RBM23: variants seen among roughly 807,000 people sequenced by gnomAD.
RBM23 encodes the protein probable RNA-binding protein 23.
In RBM23, 53 loss-of-function variants were observed where a neutral mutation model predicts 56.2. The ratio of observed to expected loss-of-function variants is 0.94; its 90% CI spans 0.76 to 1.19. The LOEUF (loss-of-function observed/expected upper bound fraction) is 1.19, where lower values mean the gene tolerates loss of function less well. RBM23 is among the 50% of genes most tolerant of loss of function. The pLI is 0.00. For missense variants in RBM23, 642 were observed against 590.3 expected, an observed-to-expected ratio of 1.09 and a Z score of -0.91; for synonymous variants, 197 against 198.5, an observed-to-expected ratio of 0.99 and a Z score of 0.06.
chr14:22,908,455 C>T (rs2041938580), intron 3 of RBM23, 75 bp from the exon 4 acceptor site: 2 of 1,500,394 alleles, frequency 1.3e-6, no homozygotes, highest in African/African-American at 2.8e-5. Context: ...TGCAGTGGTG[C>T]AATCTTGGCT....
In RBM23 at chr14:22,906,289, G is replaced by A. The variant is rs375763824; in HGVS notation, c.307C>T (p.Arg103Cys). Residue 103 changes from arginine (R) to cysteine (C), a missense_variant, in exon 5 of 14, where the codon CGT becomes TGT. Arg to Cys is a radical substitution (Grantham distance 180). Transcript: ENST00000359890. Reference protein sequence around the residue: ...SPGRQCRHRSRSWDRRHGSES... With the variant: ...SPGRQCRHRSCSWDRRHGSES... ...CTACCATGTCGACGATCCCAGCTAC[G>A]GCTACGGTGACGACACTGCCGACCT... 2.8e-5 allele frequency: 45 copies of A among 1,614,036 alleles called. No individual in the cohort carries two copies. The highest frequency in any genetic ancestry group is 4.5e-5 in the East Asian group (2 of 44,900).
chr14:22,904,758 C>T, intron 9 of RBM23, 117 bp downstream of exon 9: 1 of 1,441,598 alleles, frequency 6.9e-7, no homozygotes, highest in Non-Finnish European at 9.5e-7. Context: ...CTCATATGCC[C>T]ACTATGACGT....
chr14:22,912,998 C>CAAAAAAAA (rs58361546), intron 1 of RBM23, among the ~76,000 whole-genome samples: 7 of 35,420 alleles, frequency 2.0e-4, no homozygotes, highest in Non-Finnish European at 2.2e-4. Flanking sequence ...GATTCAGTCT[C>CAAAAAAAA]AAAAAAAAAA....
chr14:22,903,504 AGTTCCTAGGCAGGTGTTATACAT>A, intron 10 of RBM23: 2 of 986,016 alleles, frequency 2.0e-6, no homozygotes, highest in African/African-American at 3.5e-5. Context: ...TGGTACTGAC[AGTTCCTAGGCAGGTGTTATACAT>A]GGCTTGCCTT....
Position 22,905,211 on chromosome 14 carries a change from T to C in RBM23, c.609A>G (p.Ser203=), listed in dbSNP as rs777231243. The C allele has an allele frequency of 5.6e-6, 9 of 1,614,118 alleles. No individual in the cohort carries two copies. The South Asian group carries it at 7.7e-5, about 14-fold the overall frequency. ...CGTAGGCAATGCCCTTAGAACGACGTGAGTTCCGATCTGAGATGATACGTA... is the reference window on the plus strand; with the variant it reads ...CGTAGGCAATGCCCTTAGAACGACGCGAGTTCCGATCTGAGATGATACGTA... ...RDVRIISDRN[S]RRSKGIAYVE... The change falls in exon 8 of 14, where the codon TCA becomes TCG. Residue 203 remains serine (S), a synonymous_variant. Transcript: ENST00000359890.
In RBM23 at chr14:22,902,756, C is replaced by CCTTTTTTTTTTTTTTTTTTTTTT. The variant is rs1555336814; in HGVS notation, c.931-375_931-374insAAAAAAAAAAAAAAAAAAAAAAG. 3.5e-5 allele frequency: 15 copies of CCTTTTTTTTTTTTTTTTTTTTTT among 432,480 alleles called. 7 individuals carry two copies. Among genetic ancestry groups the CCTTTTTTTTTTTTTTTTTTTTTT allele is most frequent in the African/African-American group, 6.4e-5 (2 of 31,410 alleles). 26.8% of individuals were successfully genotyped at this position (432,480 alleles called of 1,614,324 possible). ...GTTCTCTATCCTAGTAAGTTTTAGTCTTTTTTTTTTTTTTTTTTTTTTTTT... is the reference window on the plus strand; with the variant it reads ...GTTCTCTATCCTAGTAAGTTTTAGTCCTTTTTTTTTTTTTTTTTTTTTTTTTTTTTTTTTTTTTTTTTTTTTTT... On this transcript the variant is annotated intron_variant, in intron 10 of 13. Transcript: ENST00000359890.
intron 1 of RBM23, among the ~76,000 whole-genome samples, chr14:22,916,148 T>C (rs1396735038): frequency 6.6e-6 from 1 of 152,156 alleles, no homozygotes; most frequent in African/African-American, 2.4e-5. Flanking sequence ...CCCAGGAAGT[T>C]GAGGCTGCAG....
chr14:22,915,622 A>G (rs1168040052), intron 1 of RBM23, among the ~76,000 whole-genome samples: 1 of 151,128 alleles, frequency 6.6e-6, no homozygotes, highest in African/African-American at 2.4e-5. Flanking sequence ...CAGCCTCCTG[A>G]GTAGCTGGGA....
intron 2 of RBM23, among the ~76,000 whole-genome samples, chr14:22,910,283 G>C (rs1319034740): frequency 2.7e-5 from 4 of 147,680 alleles, no homozygotes; most frequent in Non-Finnish European, 6.0e-5. Flanking sequence ...CCAACATGGA[G>C]AAACCATCTC....
chr14:22,910,450 CAAAAAAAAAAAAAAAAAAAA>C (rs546748436), intron 2 of RBM23, among the ~76,000 whole-genome samples: 8 of 71,154 alleles, frequency 1.1e-4, no homozygotes, highest in African/African-American at 5.1e-4. Flanking sequence ...AACTTCATCT[CAAAAAAAAAAAAAAAAAAAA>C]AAAAAGAAAG....
At chr14:22,914,591 G>GTGTGCCCATTAAA (rs1270721671) in intron 1 of RBM23, among the ~76,000 whole-genome samples, 1 of 151,858 alleles carries the variant, frequency 6.6e-6, no homozygotes, top group Non-Finnish European at 1.5e-5. Flanking sequence ...CAGTTTTATC[G>GTGTGCCCATTAAA]TGTGCCCATT....
At chr14:22,906,418 A>AACCAAGTGCATAT (rs2041571649) in intron 4 of RBM23, 50 bp from the exon 5 acceptor site, 1 of 1,596,576 alleles carries the variant, frequency 6.3e-7, no homozygotes, top group African/African-American at 1.3e-5. Context: ...TTAGGCCAAC[A>AACCAAGTGCATAT]ACCAAGTGCA....
At position 22,905,178 on chromosome 14, in the gene RBM23, G is replaced by T; in HGVS notation, c.642C>A (p.Phe214Leu). 6.2e-7 allele frequency: 1 copy of T among 1,614,182 alleles called. No homozygotes were observed. The highest frequency in any genetic ancestry group is 1.1e-5 in the South Asian group (1 of 91,088). The change falls in exon 8 of 14, where the codon TTC (phenylalanine) becomes TTA (leucine). Residue 214 changes from phenylalanine (F) to leucine (L), a missense_variant. By Grantham distance (22) the Phe-to-Leu change is conservative. Transcript: ENST00000359890. ...RRSKGIAYVEFCEIQSVPLAI... is the reference protein window; with the variant it reads ...RRSKGIAYVELCEIQSVPLAI... ...CCAGTGGCACAGACTGGATTTCACA[G>T]AATTCCACGTAGGCAATGCCCTTAG...
In RBM23 at chr14:22,908,080, C is replaced by T. The variant is rs2041873801; in HGVS notation, c.227+253G>A. Among the ~76,000 whole-genome samples the T allele has an allele frequency of 2.6e-5, 4 of 152,074 alleles. 1 individual carries two copies. In the South Asian group the frequency reaches 8.3e-4, roughly 31 times the overall value. On this transcript the variant is annotated intron_variant, in intron 4 of 13. Transcript: ENST00000359890. ...CTGTTGCCCAGGCAGGAGTTTAGTGCTGCAATCTCGGCTCACTGCAACCTC... is the reference window on the plus strand; with the variant it reads ...CTGTTGCCCAGGCAGGAGTTTAGTGTTGCAATCTCGGCTCACTGCAACCTC...
In RBM23 at chr14:22,903,135, G is replaced by A. The variant is rs548112334; in HGVS notation, c.931-753C>T. ...AACTCCTAATTCCAGGCTTAAGAGG[G>A]AACACACCCTAGTGCTGACAGCAAG... On this transcript the variant is annotated intron_variant, in intron 10 of 13. Coordinates refer to ENST00000359890, the MANE Select transcript of RBM23 (RefSeq NM_001077351.2). 7.1e-6 allele frequency: 7 copies of A among 985,292 alleles called. No homozygotes were observed. The South Asian group carries it at 2.8e-4, about 40-fold the overall frequency. The allele number at this position is 985,292 out of a possible 1,614,324, so 61.0% of individuals were successfully genotyped here.
chr14:22,903,243 T>C (rs894207427), intron 10 of RBM23: 41 of 985,316 alleles, frequency 4.2e-5, no homozygotes, highest in Non-Finnish European at 4.7e-5. Context: ...TCTAGTCCCT[T>C]TTATCAGCAG....
At position 22,904,769 on chromosome 14, in the gene RBM23, A is replaced by T; in HGVS notation, c.864+106T>A. On this transcript the variant is annotated intron_variant, in intron 9 of 13. Transcript: ENST00000359890. ...TAGACTCATATGCCCACTATGACGT[A>T]TGCAGCAGGTTAATCACGGCCAGGC... The T allele has an allele frequency of 2.0e-6, 3 of 1,504,160 alleles. No homozygotes were observed. In the East Asian group the frequency reaches 6.8e-5, roughly 34 times the overall value. The allele number at this position is 1,504,160 out of a possible 1,614,324, so 93.2% of individuals were successfully genotyped here.
intron 1 of RBM23, among the ~76,000 whole-genome samples, chr14:22,914,349 G>C (rs1035019646): frequency 1.4e-5 from 2 of 144,804 alleles, no homozygotes; most frequent in African/African-American, 5.1e-5. Context: ...AAAAATAGCC[G>C]GGTGTGGTGG....
chr14:22,901,343 G>A lies in RBM23; in HGVS notation c.*387C>T, dbSNP rs1486983359. ...AAGGGTTTTCCTTGACAGACTAAAG[G>A]TTAAAGGTACAGGAAAAGGAGAGAG... On this transcript the variant is annotated 3_prime_UTR_variant, in exon 14 of 14. Coordinates refer to ENST00000359890, the MANE Select transcript of RBM23 (RefSeq NM_001077351.2). The A allele has an allele frequency of 3.6e-6, 1 of 278,018 alleles. No homozygotes were observed. Among genetic ancestry groups the A allele is most frequent in the Non-Finnish European group, 6.8e-6 (1 of 146,660 alleles). The allele number at this position is 278,018 out of a possible 1,614,324, so 17.2% of individuals were successfully genotyped here. A position where few individuals can be genotyped will look rare whatever the true frequency, so the allele number is the denominator to read the frequency against.
Sources: gnomAD v4.1 joint callset for allele counts (sites outside exome capture counted in the v4.1 genomes callset) on GRCh38, gnomAD v4.1.1 for gene constraint, MANE v1.5 for transcripts, NCBI Gene and HGNC (gene_info 2026-07-23, HGNC 2026-07-21) for gene names.